FLAD1: variants seen among roughly 807,000 people sequenced by gnomAD.
FLAD1 encodes the protein flavin adenine dinucleotide synthetase 1, also known as bifunctional FAD diphosphatase/FAD synthase.
In FLAD1, 35 loss-of-function variants were observed where a neutral mutation model predicts 55.0. The ratio of observed to expected loss-of-function variants is 0.64; its 90% confidence interval spans 0.49 to 0.84. The LOEUF (loss-of-function observed/expected upper bound fraction) is 0.84. Among genes scored for constraint, FLAD1 ranks in the 40% least tolerant of loss-of-function variants. The pLI, the probability that FLAD1 is intolerant of heterozygous loss-of-function variation, is 0.00. For synonymous variants in FLAD1, 267 were observed against 303.0 expected (o/e 0.88, Z 1.23); for missense variants, 665 against 742.6 (o/e 0.90, Z 1.21).
rs1386575468 is a variant in FLAD1 at position 154,983,802 on chromosome 1, C to G, written c.108C>G (p.Arg36=). Residue 36 remains arginine (R), a synonymous_variant, in exon 1 of 7, where the codon CGC becomes CGG. Coordinates refer to ENST00000292180, the MANE Select transcript of FLAD1 (RefSeq NM_025207.5). ...GGGTCTTCCTCGAAGGAAGCACGCG[C>G]ACGCCTGCTCTCCCCCATTGTCTTT... ...KTRVFLEGST[R]TPALPHCLFW... is the part of the protein sequence containing the mutation. The G allele has an allele frequency of 2.5e-6, 4 of 1,614,072 alleles. No homozygotes were observed. The Admixed American group carries it at 6.7e-5, about 27-fold the overall frequency.
rs1427984074 is a variant in FLAD1 at position 154,988,853 on chromosome 1, G to C, written c.1117+4G>C. ...GTATACAAACTCGCTGAATCAGGTA[G>C]GGACCTTATGGAGGAGGGGCATTAT... On this transcript the variant is annotated splice_donor_region_variant and intron_variant, in intron 2 of 6. Coordinates refer to ENST00000292180, the MANE Select transcript of FLAD1 (RefSeq NM_025207.5). 3.1e-6 allele frequency: 5 copies of C among 1,613,982 alleles called. No homozygotes were observed. Among genetic ancestry groups the C allele is most frequent in the Admixed American group, 1.7e-5 (1 of 60,008 alleles).
In FLAD1 at chr1:154,983,656, G is replaced by GT; in HGVS notation, c.-34dup. On this transcript the variant is annotated 5_prime_UTR_variant, in exon 1 of 7. Coordinates refer to ENST00000292180, the MANE Select transcript of FLAD1 (RefSeq NM_025207.5). ...GTGGTAGGTTCTCAAGAGAGAAGAA[G>GT]TTTTTAAGACTAGAGCTAAGCAAGA... is the stretch of plus-strand genomic sequence containing the variant. The GT allele has an allele frequency of 6.4e-7, 1 of 1,564,906 alleles. No individual in the cohort carries two copies. Among genetic ancestry groups the GT allele is most frequent in the African/African-American group, 1.4e-5 (1 of 73,242 alleles).
Position 154,990,391 on chromosome 1 carries a change from G to A in FLAD1, c.1417G>A (p.Glu473Lys), listed in dbSNP as rs201297418. Residue 473 changes from glutamate to lysine, a missense_variant, in exon 5 of 7, where the codon GAA (glutamate) becomes AAA (lysine). Physicochemically the swap from Glu to Lys is moderately conservative, Grantham distance 56. Transcript: ENST00000292180. The stretch of plus-strand genomic sequence containing the variant: ...GGGCAGCATGAAGCAGGCCCTGGGT[G>A]AACTGCAGGCACGGCACCCCCAGCT... ...AEGSMKQALGELQARHPQLEA... is the reference protein window; with the variant it reads ...AEGSMKQALGKLQARHPQLEA... 1 of 1,614,126 alleles carries A rather than the reference G, an allele frequency of 6.2e-7. No individual in the cohort carries two copies. Among genetic ancestry groups the A allele is most frequent in the Admixed American group, 1.7e-5 (1 of 60,024 alleles).
At chr1:154,987,946 T>A in intron 1 of FLAD1, 159 bp from the exon 2 acceptor site, 2 of 1,502,538 alleles carry the variant, frequency 1.3e-6, no homozygotes, top group African/African-American at 1.4e-5. Flanking sequence ...ACAAATGGAT[T>A]TTCCCACTCT....
rs778273919 is a variant in FLAD1, at chr1:154,988,515, G to A, written c.783G>A (p.Leu261=). ...VYLFPGIPEL[L]RRVLEGMKGL... ...TCTTCCCAGGCATTCCAGAGCTGCTGCGGCGGGTGCTGGAGGGGATGAAGG... is the reference window on the plus strand; with the variant it reads ...TCTTCCCAGGCATTCCAGAGCTGCTACGGCGGGTGCTGGAGGGGATGAAGG... The change falls in exon 2 of 7, where the codon CTG becomes CTA. Residue 261 remains leucine, a synonymous_variant. Coordinates refer to ENST00000292180, the MANE Select transcript of FLAD1 (RefSeq NM_025207.5). 2 of 1,614,258 alleles carry A rather than the reference G, an allele frequency of 1.2e-6. No homozygotes were observed. Among genetic ancestry groups the A allele is most frequent in the South Asian group, 1.1e-5 (1 of 91,090 alleles).
chr1:154,987,736 A>G, intron 1 of FLAD1: 1 of 376,304 alleles, frequency 2.7e-6, no homozygotes, highest in Non-Finnish European at 4.8e-6. Context: ...CAGGAATTCA[A>G]CACCAGCCTG....
intron 1 of FLAD1, among the ~76,000 whole-genome samples, chr1:154,986,267 AGTGCAGTGGC>A: frequency 6.7e-6 from 1 of 149,688 alleles, no homozygotes; most frequent in Non-Finnish European, 1.5e-5. Flanking sequence ...CCCAGGCTGG[AGTGCAGTGGC>A]GCGGTCTCGG....
Position 154,990,409 on chromosome 1 carries a change from C to A in FLAD1, c.1435C>A (p.Pro479Thr). ...QALGELQARHPQLEAVLMGTR... is the reference protein window; with the variant it reads ...QALGELQARHTQLEAVLMGTR... ...CCTGGGTGAACTGCAGGCACGGCAC[C>A]CCCAGCTGGAGGCTGTCCTTATGGG... The change falls in exon 5 of 7, where the codon CCC becomes ACC. Residue 479 changes from proline (P) to threonine (T), a missense_variant. Pro to Thr is a conservative substitution (Grantham distance 38). Coordinates refer to ENST00000292180, the MANE Select transcript of FLAD1 (RefSeq NM_025207.5). The A allele has an allele frequency of 1.2e-6, 2 of 1,614,176 alleles. No individual in the cohort carries two copies. The highest frequency in any genetic ancestry group is 1.7e-6 in the Non-Finnish European group (2 of 1,180,018).
At position 154,988,805 on chromosome 1, in the gene FLAD1, C is replaced by G; in HGVS notation, c.1073C>G (p.Ala358Gly). ...QGSLVPYMPN[A>G]VEQASEAVYK... is the part of the protein sequence containing the mutation. ...TCGCTGGTCCCCTACATGCCCAACG[C>G]TGTGGAGCAGGCCAGTGAGGCTGTA... Residue 358 changes from alanine to glycine, a missense_variant, in exon 2 of 7, where the codon GCT becomes GGT. By Grantham distance (60) the Ala-to-Gly change is moderately conservative. Transcript: ENST00000292180. The G allele has an allele frequency of 6.2e-7, 1 of 1,614,218 alleles. No individual in the cohort carries two copies. The highest frequency in any genetic ancestry group is 1.1e-5 in the South Asian group (1 of 91,088).
chr1:154,989,009 C>T (rs1657747992), intron 2 of FLAD1, 160 bp downstream of exon 2: 1 of 1,463,154 alleles, frequency 6.8e-7, no homozygotes, highest in Admixed American at 2.3e-5. Context: ...TGATTGAGTA[C>T]CTATTTTCAT....
chr1:154,988,193 A>G lies in FLAD1; in HGVS notation c.461A>G (p.Asp154Gly), dbSNP rs1326476019. Reference sequence around the variant, plus strand: ...GTTTGCCGAGTCTCAGTTGTACCTGATGAGGTAGCCACCATTGCAGCTGAG... The same window carrying G: ...GTTTGCCGAGTCTCAGTTGTACCTGGTGAGGTAGCCACCATTGCAGCTGAG... ...VQVCRVSVVP[D>G]EVATIAAEVT... The change falls in exon 2 of 7, where the codon GAT becomes GGT. Residue 154 changes from aspartate to glycine, a missense_variant. Transcript: ENST00000292180. 2 of 1,614,174 alleles carry G rather than the reference A, an allele frequency of 1.2e-6. No individual in the cohort carries two copies. Among genetic ancestry groups the G allele is most frequent in the South Asian group, 2.2e-5 (2 of 91,088 alleles).
chr1:154,988,079 G>T (rs753948492), intron 1 of FLAD1, 26 bp from the exon 2 acceptor site: 3 of 1,614,080 alleles, frequency 1.9e-6, no homozygotes, highest in Non-Finnish European at 1.7e-6. Flanking sequence ...AGTACTGATG[G>T]CCTCATCTTC....
rs7528060 is a variant in FLAD1 at position 154,987,543 on chromosome 1, T to G, written c.373-562T>G. 20,323 of 173,002 alleles carry G rather than the reference T, an allele frequency of 0.12. 3,113 individuals are homozygous for G. The highest frequency in any genetic ancestry group is 0.38 in the African/African-American group (15,757 of 41,610). 10.7% of individuals were successfully genotyped at this position (173,002 alleles called of 1,614,324 possible). A position where few individuals can be genotyped will look rare whatever the true frequency, so the allele number is the denominator to read the frequency against. On this transcript the variant is annotated intron_variant, in intron 1 of 6. Transcript: ENST00000292180. ...CATTAAAACGGTTACTCCGGAGACA[T>G]CAGAGCACTGTGGCTGGAGGCTGGG...
At chr1:154,985,716 ATTTTTTTTTTTTT>A (rs34387427) in intron 1 of FLAD1, among the ~76,000 whole-genome samples, 1 of 75,490 alleles carries the variant, frequency 1.3e-5, no homozygotes, top group Non-Finnish European at 2.6e-5. Flanking sequence ...CCTGACCCCA[ATTTTTTTTTTTTT>A]TTTTTTTTTT....
Position 154,990,464 on chromosome 1 carries a change from G to A in FLAD1, c.1490G>A (p.Ser497Asn). 6.2e-7 allele frequency: 1 copy of A among 1,614,080 alleles called. No homozygotes were observed. Among genetic ancestry groups the A allele is most frequent in the Non-Finnish European group, 8.5e-7 (1 of 1,179,976 alleles). ...CGCCGGACTGACCCCTACTCCTGTA[G>A]CCTCTGCCCTTTCAGCCCCACTGAC... Reference protein sequence around the residue: ...GTRRTDPYSCSLCPFSPTDPG... With the variant: ...GTRRTDPYSCNLCPFSPTDPG... The change falls in exon 5 of 7, where the codon AGC becomes AAC. Residue 497 changes from serine (S) to asparagine (N), a missense_variant. Transcript: ENST00000292180.
Position 154,988,722 on chromosome 1 carries a change from G to A in FLAD1, c.990G>A (p.Glu330=), listed in dbSNP as rs777735672. 1 of 1,614,208 alleles carries A rather than the reference G, an allele frequency of 6.2e-7. No individual in the cohort carries two copies. The highest frequency in any genetic ancestry group is 1.1e-5 in the South Asian group (1 of 91,086). Residue 330 remains glutamate (E), a synonymous_variant, in exon 2 of 7, where the codon GAG becomes GAA. Coordinates refer to ENST00000292180, the MANE Select transcript of FLAD1 (RefSeq NM_025207.5). ...AGGTGAAGCTGACTCTAGACTCAGA[G>A]GAAGAAGGACCCCTGGAGGAATGCT... ...YYQVKLTLDS[E]EEGPLEECLA... is the part of the protein sequence containing the mutation.
At position 154,990,171 on chromosome 1, in the gene FLAD1, T is replaced by C; in HGVS notation, c.1278T>C (p.Asp426=). The C allele has an allele frequency of 3.1e-6, 5 of 1,613,970 alleles. No individual in the cohort carries two copies. The highest frequency in any genetic ancestry group is 4.2e-6 in the Non-Finnish European group (5 of 1,179,828). ...FHAAVQRKLP[D]VPNPLQILYI... ...TCCCCCTCTGCAGGAAATTACCTGA[T>C]GTTCCAAACCCCCTCCAGATCCTGT... is the stretch of plus-strand genomic sequence containing the variant. Residue 426 remains aspartate, a synonymous_variant, in exon 4 of 7, where the codon GAT becomes GAC. Coordinates refer to ENST00000292180, the MANE Select transcript of FLAD1 (RefSeq NM_025207.5).
intron 1 of FLAD1, among the ~76,000 whole-genome samples, chr1:154,984,823 C>T (rs1435519994): frequency 1.3e-5 from 2 of 151,870 alleles, no homozygotes; most frequent in East Asian, 1.9e-4. Flanking sequence ...GAATCCCCTC[C>T]GAATGATCAG....
At chr1:154,986,020 T>A (rs1287579944) in intron 1 of FLAD1, among the ~76,000 whole-genome samples, 2 of 17,226 alleles carry the variant, frequency 1.2e-4, no homozygotes, top group African/African-American at 7.8e-4. Flanking sequence ...TGCGCCCGGC[T>A]GTGTGTGTGT....
Sources: allele counts gnomAD v4.1 joint callset (sites outside exome capture counted in the v4.1 genomes callset), GRCh38; gene constraint gnomAD v4.1.1; transcripts MANE v1.5; gene names NCBI Gene and HGNC (gene_info 2026-07-23, HGNC 2026-07-21).